Variants in ADCY2 observed in about 807,000 individuals in gnomAD.
The protein encoded by ADCY2 is adenylate cyclase type 2.
A neutral mutation model predicts 125.2 loss-of-function variants in ADCY2; 31 were observed. The ratio of observed to expected loss-of-function variants is 0.25; its 90% CI spans 0.19 to 0.33. The LOEUF is 0.33. Ranked by LOEUF, ADCY2 falls within the 10% of genes least tolerant of loss-of-function variation. The pLI is 1.00. For synonymous variants in ADCY2, 512 were observed against 548.4 expected, an observed-to-expected ratio of 0.93 and a Z score of 0.93; for missense variants, 904 against 1,418.2, an observed-to-expected ratio of 0.64 and a Z score of 5.82.
chr5:7,514,708 G>C (rs2126524386), intron 2 of ADCY2, among the ~76,000 whole-genome samples: 1 of 152,340 alleles, frequency 6.6e-6, no homozygotes, highest in South Asian at 2.1e-4. Context: ...TTTATAGCAA[G>C]AGGGAAATTT....
At chr5:7,670,691 C>T (rs1254792476) in intron 4 of ADCY2, among the ~76,000 whole-genome samples, 1 of 152,198 alleles carries the variant, frequency 6.6e-6, no homozygotes, top group Non-Finnish European at 1.5e-5. Flanking sequence ...TGTTCACCCT[C>T]AGATCATCAG....
chr5:7,560,440 C>T (rs1735672285), intron 3 of ADCY2, among the ~76,000 whole-genome samples: 1 of 152,158 alleles, frequency 6.6e-6, no homozygotes, highest in South Asian at 2.1e-4. Flanking sequence ...AAAATAGTAA[C>T]AAATTTTCTA....
chr5:7,799,279 C>G (rs1262842211), intron 20 of ADCY2: 2 of 152,372 alleles, frequency 1.3e-5, no homozygotes, highest in African/African-American at 4.8e-5. Flanking sequence ...AGGTCATCTA[C>G]CAGTCAGCAT....
chr5:7,658,760 A>G (rs1037018092), intron 4 of ADCY2, among the ~76,000 whole-genome samples: 8 of 152,334 alleles, frequency 5.3e-5, no homozygotes, highest in African/African-American at 1.9e-4. Context: ...GGGGCTGGCA[A>G]TTCCAAAACC....
At chr5:7,603,158 C>T (rs932103052) in intron 3 of ADCY2, among the ~76,000 whole-genome samples, 2 of 152,184 alleles carry the variant, frequency 1.3e-5, no homozygotes, top group African/African-American at 4.8e-5. Flanking sequence ...CCACAGAGGC[C>T]GTTCCTTCCT....
At chr5:7,401,596 C>T (rs1223731730) in intron 1 of ADCY2, among the ~76,000 whole-genome samples, 3 of 152,158 alleles carry the variant, frequency 2.0e-5, no homozygotes, top group African/African-American at 4.8e-5. Context: ...AATTCACTGA[C>T]GTGCTGGCAT....
chr5:7,522,881 G>A (rs957016748), intron 3 of ADCY2, among the ~76,000 whole-genome samples: 14 of 151,016 alleles, frequency 9.3e-5, no homozygotes, highest in South Asian at 4.2e-4. Context: ...AGCCGAGATC[G>A]CGCCACTGCA....
intron 3 of ADCY2, among the ~76,000 whole-genome samples, chr5:7,534,374 G>A (rs1734749243): frequency 1.3e-5 from 2 of 152,194 alleles, no homozygotes; most frequent in Non-Finnish European, 2.9e-5. Flanking sequence ...ATGGAGAAGA[G>A]GAAATGTTGT....
chr5:7,479,462 G>A (rs1431135173), intron 2 of ADCY2, among the ~76,000 whole-genome samples: 3 of 151,866 alleles, frequency 2.0e-5, no homozygotes, highest in Non-Finnish European at 4.4e-5. Context: ...TAATTTTTGT[G>A]GGTACATAGG....
At chr5:7,657,110 C>A (rs183372569) in intron 4 of ADCY2, among the ~76,000 whole-genome samples, 1 of 152,190 alleles carries the variant, frequency 6.6e-6, no homozygotes, top group Admixed American at 6.5e-5. Flanking sequence ...GGGTCCTATC[C>A]CCAAGATATC....
chr5:7,633,840 C>T (rs1355562249), intron 4 of ADCY2, among the ~76,000 whole-genome samples: 1 of 152,160 alleles, frequency 6.6e-6, no homozygotes, highest in Non-Finnish European at 1.5e-5. Context: ...TTCCTGGGGA[C>T]TGCCTATTTT....
intron 4 of ADCY2, among the ~76,000 whole-genome samples, chr5:7,680,665 A>G (rs1266640340): frequency 6.6e-6 from 1 of 152,202 alleles, no homozygotes; most frequent in East Asian, 1.9e-4. Flanking sequence ...CCCAATCAAG[A>G]TTTCTCAATG....
chr5:7,480,959 C>T (rs749227353), intron 2 of ADCY2, among the ~76,000 whole-genome samples: 7 of 152,136 alleles, frequency 4.6e-5, no homozygotes, highest in East Asian at 1.9e-4. Context: ...ATGCAGATAT[C>T]TCTTTGGCAT....
At chr5:7,622,571 C>T (rs1233494049) in intron 3 of ADCY2, among the ~76,000 whole-genome samples, 1 of 152,198 alleles carries the variant, frequency 6.6e-6, no homozygotes, top group Non-Finnish European at 1.5e-5. Context: ...AGCAATGCAG[C>T]ATCCAGAATG....
Position 7,664,332 on chromosome 5 carries a change from G to A in ADCY2, c.721-26359G>A, listed in dbSNP as rs116820773. Among the ~76,000 whole-genome samples, 7 of 152,156 alleles carry A rather than the reference G, an allele frequency of 4.6e-5. No individual in the cohort carries two copies. In the South Asian group the frequency reaches 6.2e-4, roughly 14 times the overall value. ...TTACTTCAACTGTAAAGAACTATTC[G>A]TTTTTACAATAAGACTCTCACTTTC... is the stretch of plus-strand genomic sequence containing the variant. On this transcript the variant is annotated intron_variant, in intron 4 of 24. Transcript: ENST00000338316.
intron 3 of ADCY2, among the ~76,000 whole-genome samples, chr5:7,539,119 T>C (rs1180100073): frequency 6.6e-6 from 1 of 152,100 alleles, no homozygotes; most frequent in Non-Finnish European, 1.5e-5. Flanking sequence ...TGCCTCGGTC[T>C]CCCAAAGTGC....
chr5:7,594,646 A>G lies in ADCY2; in HGVS notation c.571-31521A>G, dbSNP rs144004582. Among the ~76,000 whole-genome samples the G allele has an allele frequency of 4.3e-3, 662 of 152,326 alleles. 4 individuals carry two copies. The highest frequency in any genetic ancestry group is 0.015 in the African/African-American group (638 of 41,574). ...TTTGTTGTTATTGTCCCCAACCAAA[A>G]CATAAATCTTGATGAGAGCAGGGGA... is the stretch of plus-strand genomic sequence containing the variant. On this transcript the variant is annotated intron_variant, in intron 3 of 24. Coordinates refer to ENST00000338316, the MANE Select transcript of ADCY2 (RefSeq NM_020546.3).
At chr5:7,500,104 T>C (rs1193007502) in intron 2 of ADCY2, among the ~76,000 whole-genome samples, 2 of 152,194 alleles carry the variant, frequency 1.3e-5, no homozygotes, top group Non-Finnish European at 2.9e-5. Context: ...ACTTGCACTA[T>C]AAGAGGCTCA....
At chr5:7,462,698 A>T (rs1034927183) in intron 2 of ADCY2, among the ~76,000 whole-genome samples, 2 of 152,238 alleles carry the variant, frequency 1.3e-5, no homozygotes, top group African/African-American at 2.4e-5. Context: ...TTTTTAGTAT[A>T]TGCTTTGCTT....
Sources: allele counts gnomAD v4.1 joint callset (sites outside exome capture counted in the v4.1 genomes callset), GRCh38; gene constraint gnomAD v4.1.1; transcripts MANE v1.5; gene names NCBI Gene and HGNC (gene_info 2026-07-23, HGNC 2026-07-21).